Variants in IQCH observed in about 807,000 individuals in gnomAD.
IQCH encodes IQ motif containing H.
In IQCH, 98 loss-of-function variants were observed where a neutral mutation model predicts 117.0. The ratio of observed to expected loss-of-function variants is 0.84; its 90% CI spans 0.71 to 0.99. The LOEUF is 0.99. Among genes scored for constraint, IQCH ranks in the 50% least tolerant of loss-of-function variants. IQCH has a pLI of 0.00. For synonymous variants in IQCH, 412 were observed against 448.2 expected (o/e 0.92, Z 1.02); for missense variants, 1,102 against 1,243.8 (o/e 0.89, Z 1.72).
chr15:67,434,452 A>G (rs995798422), intron 16 of IQCH, among the ~76,000 whole-genome samples: 13 of 152,228 alleles, frequency 8.5e-5, no homozygotes, highest in African/African-American at 3.1e-4. Context: ...ATGTGTATAT[A>G]CATGCATACA....
chr15:67,446,434 AAGAGGAAG>A lies in IQCH; in HGVS notation c.2506-18683_2506-18676del, dbSNP rs2082393641. Among the ~76,000 whole-genome samples the A allele has an allele frequency of 2.0e-5, 3 of 152,326 alleles. No individual in the cohort carries two copies. In the South Asian group the frequency reaches 6.2e-4, roughly 32 times the overall value. Reference sequence around the variant, plus strand: ...AGAGGTAAAGGAGAAAGAGGGGGAAAAGAGGAAGAGAGGAAGAAAATACCACCCTTAAT... The same window carrying A: ...AGAGGTAAAGGAGAAAGAGGGGGAAAAGAGGAAGAAAATACCACCCTTAAT... On this transcript the variant is annotated intron_variant, in intron 16 of 20. Transcript: ENST00000335894.
At chr15:67,429,449 T>C (rs1415142826) in intron 16 of IQCH, among the ~76,000 whole-genome samples, 1 of 152,164 alleles carries the variant, frequency 6.6e-6, no homozygotes, top group African/African-American at 2.4e-5. Flanking sequence ...GCCTGGAAGA[T>C]TGAGGCTGCA....
At chr15:67,331,308 TAAAG>T (rs1262925020) in intron 4 of IQCH, among the ~76,000 whole-genome samples, 1 of 151,734 alleles carries the variant, frequency 6.6e-6, no homozygotes, top group African/African-American at 2.4e-5. Flanking sequence ...TACTACAACT[TAAAG>T]AGAACATAAA....
chr15:67,299,605 T>G (rs182927972), intron 4 of IQCH, among the ~76,000 whole-genome samples: 1 of 152,122 alleles, frequency 6.6e-6, no homozygotes, highest in South Asian at 2.1e-4. Context: ...AATAAAAAAA[T>G]TTTAATGTCA....
At chr15:67,440,720 T>C (rs1187334663) in intron 16 of IQCH, among the ~76,000 whole-genome samples, 3 of 152,118 alleles carry the variant, frequency 2.0e-5, no homozygotes, top group African/African-American at 7.2e-5. Flanking sequence ...CATAACTTAA[T>C]GTAGTACAAG....
In IQCH at chr15:67,500,942, CTTAT is replaced by C. The variant is rs1309344405; in HGVS notation, c.*199_*202del. 1 of 373,106 alleles carries C rather than the reference CTTAT, an allele frequency of 2.7e-6. No homozygotes were observed. Among genetic ancestry groups the C allele is most frequent in the African/African-American group, 2.1e-5 (1 of 47,558 alleles). 23.1% of individuals were successfully genotyped at this position (373,106 alleles called of 1,614,324 possible). ...TCTTATTTTATTTATTAAACCAAAA[CTTAT>C]TTGTGTTTTCATTTGAGAGTGTTGA... On this transcript the variant is annotated 3_prime_UTR_variant, in exon 21 of 21. Coordinates refer to ENST00000335894, the MANE Select transcript of IQCH (RefSeq NM_001031715.3). This position sits in a 1 kb window ranked among gnomAD's most constrained non-coding sequence, Gnocchi z 4.4.
intron 4 of IQCH, among the ~76,000 whole-genome samples, chr15:67,299,949 C>T (rs1233476624): frequency 2.0e-5 from 3 of 152,090 alleles, no homozygotes; most frequent in Admixed American, 6.6e-5. Context: ...AAATTCTCTA[C>T]AACCTTTCAC....
intron 4 of IQCH, chr15:67,281,807 A>G (rs756565934): frequency 2.7e-4 from 121 of 453,962 alleles, no homozygotes; most frequent in Non-Finnish European, 4.0e-5. Flanking sequence ...TCCTTCACAG[A>G]GGATTCTGCA....
intron 20 of IQCH, among the ~76,000 whole-genome samples, chr15:67,499,711 G>A (rs1288221720): frequency 5.9e-5 from 9 of 151,970 alleles, no homozygotes; most frequent in Non-Finnish European, 1.5e-5. Flanking sequence ...AGTGTCCATC[G>A]ACTAAGAAAT....
Position 67,462,971 on chromosome 15 carries a change from T to C in IQCH, c.2506-2156T>C, listed in dbSNP as rs144917306. ...TTAACAATTGTTGCAATGTGATTTA[T>C]TTGCTATTATAAAAGGGCATTACTG... On this transcript the variant is annotated intron_variant, in intron 16 of 20. Transcript: ENST00000335894. Among the ~76,000 whole-genome samples, 51 of 152,352 alleles carry C rather than the reference T, an allele frequency of 3.3e-4. No homozygotes were observed. The East Asian group carries it at 5.8e-3, about 17-fold the overall frequency.
Position 67,472,449 on chromosome 15 carries a change from A to C in IQCH, c.2677-3247A>C, listed in dbSNP as rs531562238. Among the ~76,000 whole-genome samples the C allele has an allele frequency of 3.3e-5, 5 of 152,302 alleles. No homozygotes were observed. Among genetic ancestry groups the C allele is most frequent in the African/African-American group, 1.2e-4 (5 of 41,564 alleles). The stretch of plus-strand genomic sequence containing the variant: ...CACAGACCAACCTGTGTTAGGGGGA[A>C]ATGATTAATCCGGTGATACTGTTCA... On this transcript the variant is annotated intron_variant, in intron 17 of 20. Transcript: ENST00000335894. This position sits in a 1 kb window ranked among gnomAD's most constrained non-coding sequence, Gnocchi z 4.3.
intron 6 of IQCH, among the ~76,000 whole-genome samples, chr15:67,349,089 G>T (rs758872901): frequency 3.3e-5 from 5 of 152,190 alleles, no homozygotes; most frequent in Non-Finnish European, 7.3e-5. Flanking sequence ...CCCATTCCTT[G>T]CACCATGTAC....
At chr15:67,360,699 T>C (rs1970095066) in intron 8 of IQCH, among the ~76,000 whole-genome samples, 1 of 152,234 alleles carries the variant, frequency 6.6e-6, no homozygotes, top group Non-Finnish European at 1.5e-5. Context: ...GGATCTCTTA[T>C]CAGTAAGAAT....
At chr15:67,464,169 C>T (rs993809438) in intron 16 of IQCH, among the ~76,000 whole-genome samples, 1 of 152,156 alleles carries the variant, frequency 6.6e-6, no homozygotes, top group Non-Finnish European at 1.5e-5. Flanking sequence ...GCCTATTTAC[C>T]TTTGACTCTC....
chr15:67,354,662 T>TA (rs1210293388), intron 6 of IQCH, among the ~76,000 whole-genome samples: 11 of 152,228 alleles, frequency 7.2e-5, no homozygotes, highest in African/African-American at 2.4e-4. Context: ...CGGGAACAGG[T>TA]AGTACCACTC....
intron 4 of IQCH, among the ~76,000 whole-genome samples, chr15:67,335,388 C>A (rs1483536414): frequency 2.0e-5 from 3 of 152,308 alleles, no homozygotes; most frequent in African/African-American, 7.2e-5. Context: ...TATTTTACAT[C>A]ATCACAGTGC....
intron 4 of IQCH, among the ~76,000 whole-genome samples, chr15:67,288,577 G>C (rs574293286): frequency 6.3e-4 from 96 of 151,816 alleles, no homozygotes; most frequent in African/African-American, 2.2e-3. Flanking sequence ...CTCTTTTTTG[G>C]TTTCCATTTA....
chr15:67,374,139 GTTTCT>G, intron 10 of IQCH: 1 of 152,382 alleles, frequency 6.6e-6, no homozygotes, highest in East Asian at 1.9e-4. Flanking sequence ...TTGCATTGGA[GTTTCT>G]TTTAAGACAT....
intron 16 of IQCH, among the ~76,000 whole-genome samples, chr15:67,444,646 T>C (rs1287367553): frequency 2.0e-5 from 3 of 152,228 alleles, no homozygotes; most frequent in Non-Finnish European, 2.9e-5. Context: ...CATCTAGATA[T>C]CTATTATGGG....
Sources: gnomAD v4.1 joint callset for allele counts (sites outside exome capture counted in the v4.1 genomes callset) on GRCh38, gnomAD v4.1.1 for gene constraint, Gnocchi (gnomAD v3.1) non-coding constraint, MANE v1.5 for transcripts, NCBI Gene and HGNC (gene_info 2026-07-23, HGNC 2026-07-21) for gene names.